The following RAB6B variants were observed in gnomAD, a reference collection of about 807,000 sequenced individuals.
RAB6B encodes the protein RAB6B, member RAS oncogene family.
In RAB6B, 7 loss-of-function variants were observed where a neutral mutation model predicts 31.2. The ratio of observed to expected loss-of-function variants is 0.22; its 90% CI spans 0.13 to 0.42. RAB6B has a LOEUF of 0.42. RAB6B is among the 10% of genes least tolerant of loss of function. The pLI, the probability that RAB6B is intolerant of heterozygous loss-of-function variation, is 1.00. For synonymous variants in RAB6B, 105 were observed against 104.9 expected (o/e 1.00, Z -0.01); for missense variants, 149 against 280.6 (o/e 0.53, Z 3.35).
At chr3:133,860,644 G>C (rs1936147780) in intron 2 of RAB6B, among the ~76,000 whole-genome samples, 3 of 152,210 alleles carry the variant, frequency 2.0e-5, no homozygotes, top group Non-Finnish European at 2.9e-5. Context: ...CTTGGCCTGG[G>C]AGGGCAAGGA....
At position 133,834,622 on chromosome 3, in the gene RAB6B, G is replaced by A. The variant is rs762430079; in HGVS notation, c.515C>T (p.Ser172Leu). 20 of 1,613,960 alleles carry A rather than the reference G, an allele frequency of 1.2e-5. No individual in the cohort carries two copies. Among genetic ancestry groups the A allele is most frequent in the Non-Finnish European group, 1.5e-5 (18 of 1,180,002 alleles). The change falls in exon 7 of 8, where the codon TCG becomes TTG. Residue 172 changes from serine to leucine, a missense_variant. By Grantham distance (145) the Ser-to-Leu change is moderately radical (BLOSUM62 -2). Around this residue, in one of 2 missense-constraint regions of RAB6B, gnomAD observed 74 missense variants for 100.5 expected, o/e 0.74. Transcript: ENST00000285208. ...NVKQLFRRVA[S>L]ALPGMENVQE... is the part of the protein sequence containing the mutation. ...GACATTCTCCATTCCGGGTAGAGCC[G>A]ACGCCACACGTCGAAAAAGCTGGAA...
intron 2 of RAB6B, among the ~76,000 whole-genome samples, chr3:133,847,805 C>T (rs1322385295): frequency 6.6e-6 from 1 of 152,220 alleles, no homozygotes; most frequent in Non-Finnish European, 1.5e-5. Flanking sequence ...CTGACCATTC[C>T]TCTTCTATGG....
chr3:133,850,413 A>C (rs1935961275), intron 2 of RAB6B, among the ~76,000 whole-genome samples: 1 of 152,240 alleles, frequency 6.6e-6, no homozygotes, highest in East Asian at 1.9e-4. Flanking sequence ...AAGCATTTAA[A>C]AATAGTTCAT....
At chr3:133,829,053 C>T (rs1576390468) in intron 7 of RAB6B, among the ~76,000 whole-genome samples, 1 of 152,278 alleles carries the variant, frequency 6.6e-6, no homozygotes, top group Non-Finnish European at 1.5e-5. Flanking sequence ...CTTCCCCCAG[C>T]GCCTGTCCAC....
chr3:133,873,735 A>G (rs1487665569), intron 1 of RAB6B, among the ~76,000 whole-genome samples: 1 of 152,236 alleles, frequency 6.6e-6, no homozygotes, highest in Non-Finnish European at 1.5e-5. Context: ...AGAAGGCAAG[A>G]GTTGGGGCAC....
intron 1 of RAB6B, among the ~76,000 whole-genome samples, chr3:133,891,051 G>C (rs190316644): frequency 6.6e-6 from 1 of 152,158 alleles, no homozygotes; most frequent in East Asian, 1.9e-4. Flanking sequence ...CTTGCTAGGA[G>C]GGGCTGCTGG....
At chr3:133,829,980 A>G (rs1303815399) in intron 7 of RAB6B, among the ~76,000 whole-genome samples, 1 of 152,100 alleles carries the variant, frequency 6.6e-6, no homozygotes, top group Non-Finnish European at 1.5e-5. Context: ...TGTATCTTAT[A>G]CCATGGCAGC....
intron 1 of RAB6B, 50 bp from the exon 2 acceptor site, chr3:133,864,692 C>G: frequency 6.6e-7 from 1 of 1,511,044 alleles, no homozygotes; most frequent in South Asian, 1.1e-5. Context: ...CTGAGCTAGG[C>G]TCTTCTAAAC....
chr3:133,882,814 T>C (rs914689642), intron 1 of RAB6B, among the ~76,000 whole-genome samples: 1 of 152,190 alleles, frequency 6.6e-6, no homozygotes, highest in East Asian at 1.9e-4. Flanking sequence ...GGTGCTATCC[T>C]CTTCTGATGA....
chr3:133,841,597 A>G lies in RAB6B; in HGVS notation c.183+13T>C. On this transcript the variant is annotated intron_variant, in intron 3 of 7. Transcript: ENST00000285208. ...CCTCCCTGCCCCTCCCAGTCCTGAT[A>G]TTAGGTGCTCACCGTGCGGTCCTCC... 6.2e-7 allele frequency: 1 copy of G among 1,612,296 alleles called. No homozygotes were observed. Among genetic ancestry groups the G allele is most frequent in the Non-Finnish European group, 8.5e-7 (1 of 1,179,176 alleles).
Position 133,834,645 on chromosome 3 carries a change from G to C in RAB6B, c.496-4C>G. 6.2e-7 allele frequency: 1 copy of C among 1,613,926 alleles called. No homozygotes were observed. Among genetic ancestry groups the C allele is most frequent in the South Asian group, 1.1e-5 (1 of 91,068 alleles). On this transcript the variant is annotated splice_region_variant and splice_polypyrimidine_tract_variant and intron_variant, in intron 6 of 7. Coordinates refer to ENST00000285208, the MANE Select transcript of RAB6B (RefSeq NM_016577.4). ...CCGACGCCACACGTCGAAAAAGCTG[G>C]AAAGATGAAGAAATGCAGTGTGAAC...
intron 1 of RAB6B, among the ~76,000 whole-genome samples, chr3:133,885,017 T>A (rs571933476): frequency 7.7e-6 from 1 of 129,680 alleles, no homozygotes; most frequent in East Asian, 2.6e-4. Flanking sequence ...TATATCCCAA[T>A]AACCAGAGGA....
At chr3:133,895,262 C>G (rs1022151572) in intron 1 of RAB6B, 135 bp downstream of exon 1, 2 of 949,950 alleles carry the variant, frequency 2.1e-6, no homozygotes, top group African/African-American at 3.3e-5. Context: ...CCCCGACCTC[C>G]CCATCCCTGT....
intron 2 of RAB6B, among the ~76,000 whole-genome samples, chr3:133,858,678 T>A (rs1170716577): frequency 2.6e-5 from 4 of 152,218 alleles, no homozygotes; most frequent in Non-Finnish European, 5.9e-5. Context: ...AGTCCCATGC[T>A]GCGATACTTG....
chr3:133,891,233 A>ATTT (rs1420743603), intron 1 of RAB6B, among the ~76,000 whole-genome samples: 1 of 152,200 alleles, frequency 6.6e-6, no homozygotes, highest in Non-Finnish European at 1.5e-5. Flanking sequence ...GAATGGGCTG[A>ATTT]AAGTACAGGG....
intron 2 of RAB6B, among the ~76,000 whole-genome samples, chr3:133,852,233 A>G (rs1312556598): frequency 3.9e-5 from 6 of 152,158 alleles, no homozygotes; most frequent in African/African-American, 1.4e-4. Context: ...GCCAAATCAG[A>G]TCCTCAGAGA....
intron 7 of RAB6B, among the ~76,000 whole-genome samples, chr3:133,831,091 A>C (rs1196486594): frequency 6.6e-6 from 1 of 152,244 alleles, no homozygotes; most frequent in African/African-American, 2.4e-5. Context: ...ACGACCACTA[A>C]AACAATCTCA....
intron 1 of RAB6B, among the ~76,000 whole-genome samples, chr3:133,872,196 T>A (rs1474287239): frequency 1.3e-5 from 2 of 152,254 alleles, no homozygotes. Flanking sequence ...GTCTGCTTCC[T>A]CATTGTGCAG....
intron 2 of RAB6B, among the ~76,000 whole-genome samples, chr3:133,845,691 T>G (rs551949661): frequency 1.1e-4 from 16 of 152,166 alleles, no homozygotes; most frequent in African/African-American, 3.9e-4. Context: ...CAGAGGAAGG[T>G]AACAAAATCC....
Sources: gnomAD v4.1 joint callset for allele counts (sites outside exome capture counted in the v4.1 genomes callset) on GRCh38, gnomAD v4.1.1 for gene constraint, gnomAD v4.1.1 regional missense constraint, MANE v1.5 for transcripts, NCBI Gene and HGNC (gene_info 2026-07-23, HGNC 2026-07-21) for gene names.